Variants in ASH1L observed in about 807,000 individuals in gnomAD.
The protein encoded by ASH1L is histone-lysine N-methyltransferase ASH1L.
ASH1L carries 23 observed loss-of-function variants against 269.0 expected under a neutral mutation model. The ratio of observed to expected loss-of-function variants is 0.09; its 90% CI spans 0.06 to 0.12. The LOEUF (loss-of-function observed/expected upper bound fraction) is 0.12. ASH1L is among the 10% of genes least tolerant of loss of function. The pLI is 1.00. For missense variants in ASH1L, 2,912 were observed against 3,567.8 expected (o/e 0.82, Z 4.68); for synonymous variants, 1,187 against 1,253.5 (o/e 0.95, Z 1.12).
In ASH1L at chr1:155,366,832, C is replaced by T. The variant is rs528061727; in HGVS notation, c.6686+3672G>A. On this transcript the variant is annotated intron_variant, in intron 12 of 27. Transcript: ENST00000392403. ...GACTATAGGCGTGTGCCACCACAAC[C>T]AGCTAATTTTTGTATTTTAAGTAGA... Among the ~76,000 whole-genome samples the T allele has an allele frequency of 1.2e-4, 19 of 152,072 alleles. No individual in the cohort carries two copies. The East Asian group carries it at 3.5e-3, about 28-fold the overall frequency.
At position 155,521,253 on chromosome 1, in the gene ASH1L, A is replaced by G. The variant is rs780503568; in HGVS notation, c.267T>C (p.Ile89=). The G allele has an allele frequency of 7.4e-6, 12 of 1,614,024 alleles. No homozygotes were observed. In the Middle Eastern group the frequency reaches 4.9e-4, roughly 66 times the overall value. The change falls in exon 2 of 28, where the codon ATT becomes ATC. Residue 89 remains isoleucine (I), a synonymous_variant. Transcript: ENST00000392403. ...NFSEGNLKLK[I]GLQAKRTKKP... is the part of the protein sequence containing the mutation. ...TTTTAGTTCTCTTAGCCTGGAGGCC[A>G]ATTTTCAATTTTAAATTTCCCTCTG...
intron 2 of ASH1L, among the ~76,000 whole-genome samples, chr1:155,516,312 C>T (rs1391474016): frequency 2.0e-5 from 3 of 152,132 alleles, no homozygotes; most frequent in Non-Finnish European, 2.9e-5. Context: ...TCTCATTTCA[C>T]AGTAAGTAAA....
Position 155,438,822 on chromosome 1 carries a change from C to A in ASH1L, c.5333G>T (p.Ser1778Ile). ...CAACTTTTCAGATAGGAGTGAGATGCTATTATTGCAAGAGTCACTTGTGAC... is the reference window on the plus strand; with the variant it reads ...CAACTTTTCAGATAGGAGTGAGATGATATTATTGCAAGAGTCACTTGTGAC... ...PAVTSDSCNN[S>I]ISLLSEKLTS... The change falls in exon 5 of 28, where the codon AGC becomes ATC. Residue 1778 changes from serine to isoleucine, a missense_variant. Physicochemically the swap from Ser to Ile is moderately radical, Grantham distance 142. Transcript: ENST00000392403. 2 of 1,614,196 alleles carry A rather than the reference C, an allele frequency of 1.2e-6. No homozygotes were observed. Among genetic ancestry groups the A allele is most frequent in the Non-Finnish European group, 1.7e-6 (2 of 1,180,044 alleles).
intron 1 of ASH1L, among the ~76,000 whole-genome samples, chr1:155,526,185 T>C (rs553786678): frequency 8.5e-5 from 13 of 152,256 alleles, no homozygotes; most frequent in African/African-American, 2.9e-4. Flanking sequence ...AAACAATGAA[T>C]AGCACAAATT....
chr1:155,412,347 T>C (rs1398261175), intron 6 of ASH1L, among the ~76,000 whole-genome samples: 1 of 152,050 alleles, frequency 6.6e-6, no homozygotes, highest in Non-Finnish European at 1.5e-5. Flanking sequence ...AGGCAGAGCC[T>C]GCAGTGAGCC....
rs1571088519 is a variant in ASH1L, at chr1:155,393,828, A to AGCCTTCTCCGCT, written c.6103+1630_6103+1631insAGCGGAGAAGGC. Among the ~76,000 whole-genome samples, 7 of 152,252 alleles carry AGCCTTCTCCGCT rather than the reference A, an allele frequency of 4.6e-5. No individual in the cohort carries two copies. The East Asian group carries it at 1.4e-3, about 29-fold the overall frequency. ...AGGTCTCCCAAACTGCTGGGGTTACAGGTGTGAGCCACCGCACCCAGCCTT... is the reference window on the plus strand; with the variant it reads ...AGGTCTCCCAAACTGCTGGGGTTACAGCCTTCTCCGCTGGTGTGAGCCACCGCACCCAGCCTT... On this transcript the variant is annotated intron_variant, in intron 7 of 27. Coordinates refer to ENST00000392403, the MANE Select transcript of ASH1L (RefSeq NM_018489.3).
rs1048678273 is a variant in ASH1L, at chr1:155,427,596, G to A, written c.5828+10731C>T. Among the ~76,000 whole-genome samples, 9 of 150,268 alleles carry A rather than the reference G, an allele frequency of 6.0e-5. No homozygotes were observed. In the South Asian group the frequency reaches 1.5e-3, roughly 25 times the overall value. ...TGGGATTACAGGCAAGAGCGACTGC[G>A]CCCGGCTAATTTTTCTATTTTTAGT... On this transcript the variant is annotated intron_variant, in intron 5 of 27. Coordinates refer to ENST00000392403, the MANE Select transcript of ASH1L (RefSeq NM_018489.3).
intron 8 of ASH1L, among the ~76,000 whole-genome samples, chr1:155,379,646 G>T (rs910351690): frequency 6.6e-6 from 1 of 152,140 alleles, no homozygotes; most frequent in African/African-American, 2.4e-5. Flanking sequence ...TCTTTTGCAT[G>T]TGAAAAATAA....
intron 5 of ASH1L, among the ~76,000 whole-genome samples, chr1:155,424,262 G>A (rs139431815): frequency 7.9e-5 from 12 of 152,204 alleles, no homozygotes; most frequent in Non-Finnish European, 1.8e-4. Flanking sequence ...ACTGTGATAC[G>A]TAATTTACTG....
At chr1:155,388,580 T>C (rs1269742298) in intron 7 of ASH1L, among the ~76,000 whole-genome samples, 3 of 152,064 alleles carry the variant, frequency 2.0e-5, no homozygotes, top group Non-Finnish European at 4.4e-5. Context: ...AGTGCTGGGA[T>C]TATAGGCTTG....
intron 3 of ASH1L, among the ~76,000 whole-genome samples, chr1:155,460,699 T>A (rs1437840166): frequency 1.3e-5 from 2 of 152,204 alleles, no homozygotes; most frequent in African/African-American, 2.4e-5. Context: ...TTCTTCCTTT[T>A]GCAAATTCTA....
Position 155,478,418 on chromosome 1 carries a change from C to T in ASH1L, c.4452G>A (p.Arg1484=), listed in dbSNP as rs1665723470. 1.2e-6 allele frequency: 2 copies of T among 1,613,960 alleles called. No individual in the cohort carries two copies. The highest frequency in any genetic ancestry group is 2.2e-5 in the East Asian group (1 of 44,874). ...AYGWMVEHKH[R]HRHKHREHRS... is the part of the protein sequence containing the mutation. The stretch of plus-strand genomic sequence containing the variant: ...GGTGTTCTCTGTGTTTGTGACGGTG[C>T]CTGTGTTTGTGCTCAACCATCCAAC... The change falls in exon 3 of 28, where the codon AGG becomes AGA. Residue 1484 remains arginine (R), a synonymous_variant. Coordinates refer to ENST00000392403, the MANE Select transcript of ASH1L (RefSeq NM_018489.3). This position sits in a 1 kb window ranked among gnomAD's most constrained non-coding sequence, Gnocchi z 4.6.
chr1:155,436,237 T>A (rs1028767660), intron 5 of ASH1L, among the ~76,000 whole-genome samples: 1 of 152,124 alleles, frequency 6.6e-6, no homozygotes, highest in African/African-American at 2.4e-5. Flanking sequence ...TTGCCCAGGC[T>A]GGAGTGTGAT....
At chr1:155,392,635 C>T (rs1268819871) in intron 7 of ASH1L, among the ~76,000 whole-genome samples, 3 of 152,040 alleles carry the variant, frequency 2.0e-5, no homozygotes, top group Non-Finnish European at 2.9e-5. Context: ...ACTACAGGCA[C>T]ACACCATTAT....
chr1:155,413,531 C>T (rs1478584809), intron 6 of ASH1L, among the ~76,000 whole-genome samples: 1 of 152,166 alleles, frequency 6.6e-6, no homozygotes, highest in Non-Finnish European at 1.5e-5. Flanking sequence ...CGCTTGAACC[C>T]AGAAGGCAGA....
intron 24 of ASH1L, 150 bp from the exon 25 acceptor site, chr1:155,342,252 G>A (rs1652881854): frequency 1.5e-6 from 1 of 676,774 alleles, no homozygotes; most frequent in South Asian, 2.0e-5. Context: ...TAAGCATTTG[G>A]TAGTTGCTGG....
At chr1:155,507,530 A>T (rs895954173) in intron 2 of ASH1L, among the ~76,000 whole-genome samples, 1 of 152,130 alleles carries the variant, frequency 6.6e-6, no homozygotes. Context: ...CCAAATTTCA[A>T]TGCTATTTGA....
At chr1:155,534,051 A>T (rs1669877484) in intron 1 of ASH1L, among the ~76,000 whole-genome samples, 1 of 150,760 alleles carries the variant, frequency 6.6e-6, no homozygotes, top group African/African-American at 2.4e-5. Context: ...TTTTATTATT[A>T]TTTTTATTTA....
intron 1 of ASH1L, among the ~76,000 whole-genome samples, chr1:155,534,500 T>C (rs1474967052): frequency 6.6e-6 from 1 of 151,852 alleles, no homozygotes; most frequent in Non-Finnish European, 1.5e-5. Flanking sequence ...TGGAGACTCA[T>C]TCAACAAATA....
Sources: allele counts gnomAD v4.1 joint callset (sites outside exome capture counted in the v4.1 genomes callset), GRCh38; gene constraint gnomAD v4.1.1; non-coding constraint Gnocchi (gnomAD v3.1); transcripts MANE v1.5; gene names NCBI Gene and HGNC (gene_info 2026-07-23, HGNC 2026-07-21).